Variants in NR3C2 observed in about 807,000 individuals in gnomAD.
NR3C2 encodes the protein mineralocorticoid receptor.
A neutral mutation model predicts 86.4 loss-of-function variants in NR3C2; 15 were observed. The observed-to-expected ratio is 0.17, with a 90% CI of 0.12 to 0.27. The LOEUF (loss-of-function observed/expected upper bound fraction) is 0.27, where lower values mean the gene tolerates loss of function less well. NR3C2 is among the 10% of genes least tolerant of loss of function. The probability of loss-of-function intolerance (pLI) is 1.00; values close to 1 mark genes in which losing one functional copy is unlikely to be tolerated. For synonymous variants in NR3C2, 458 were observed against 450.5 expected (o/e 1.02, Z -0.21); for missense variants, 960 against 1,195.6 (o/e 0.80, Z 2.91).
chr4:148,330,487 G>A (rs572774169), intron 2 of NR3C2, among the ~76,000 whole-genome samples: 2 of 151,944 alleles, frequency 1.3e-5, no homozygotes, highest in Admixed American at 1.3e-4. Context: ...CCTGTGACAA[G>A]CAGGGGCAAC....
intron 3 of NR3C2, among the ~76,000 whole-genome samples, chr4:148,217,046 CT>C (rs1473481123): frequency 2.6e-5 from 4 of 152,194 alleles, no homozygotes; most frequent in Admixed American, 2.6e-4. Flanking sequence ...GGCAAGACAG[CT>C]AGTAAAGACA....
intron 3 of NR3C2, among the ~76,000 whole-genome samples, chr4:148,209,364 C>T (rs1300594109): frequency 6.6e-6 from 1 of 152,176 alleles, no homozygotes; most frequent in African/African-American, 2.4e-5. Flanking sequence ...ACTGTAGCCT[C>T]AACCTTCTGG....
intron 2 of NR3C2, among the ~76,000 whole-genome samples, chr4:148,270,844 T>C (rs1033234022): frequency 4.6e-5 from 7 of 152,266 alleles, no homozygotes; most frequent in Admixed American, 6.5e-5. Context: ...AAAAACGGTT[T>C]CCTATGCTCA....
At chr4:148,209,477 A>T (rs1579015419) in intron 3 of NR3C2, among the ~76,000 whole-genome samples, 1 of 151,650 alleles carries the variant, frequency 6.6e-6, no homozygotes, top group South Asian at 2.1e-4. Flanking sequence ...GGTGGGTGGG[A>T]GGTAGAGACA....
At chr4:148,239,763 C>T (rs2149846013) in intron 3 of NR3C2, among the ~76,000 whole-genome samples, 1 of 152,146 alleles carries the variant, frequency 6.6e-6, no homozygotes, top group African/African-American at 2.4e-5. Flanking sequence ...GAAGAAAACA[C>T]CATGTGAAAA....
chr4:148,301,286 A>C (rs1742325420), intron 2 of NR3C2, among the ~76,000 whole-genome samples: 2 of 152,338 alleles, frequency 1.3e-5, no homozygotes, highest in Admixed American at 6.5e-5. Flanking sequence ...ATATTTCTTA[A>C]AGGGAAGATA....
At chr4:148,316,691 A>G (rs1259783432) in intron 2 of NR3C2, among the ~76,000 whole-genome samples, 3 of 152,132 alleles carry the variant, frequency 2.0e-5, no homozygotes, top group East Asian at 3.8e-4. Flanking sequence ...ATTTTATACT[A>G]TATATTTATA....
chr4:148,110,923 T>C (rs1274598693), intron 8 of NR3C2, among the ~76,000 whole-genome samples: 1 of 152,178 alleles, frequency 6.6e-6, no homozygotes, highest in African/African-American at 2.4e-5. Flanking sequence ...TCCATGACAC[T>C]GGCTTACACT....
intron 6 of NR3C2, among the ~76,000 whole-genome samples, chr4:148,140,541 AAAAG>A (rs61764572): frequency 0.052 from 7,844 of 152,304 alleles, 257 homozygotes; most frequent in Non-Finnish European, 0.076. Context: ...AAAAGTTAAA[AAAAG>A]AAAGAAATTT....
intron 2 of NR3C2, among the ~76,000 whole-genome samples, chr4:148,411,517 C>A (rs1307112338): frequency 1.3e-5 from 2 of 152,160 alleles, no homozygotes; most frequent in Non-Finnish European, 2.9e-5. Flanking sequence ...TTTATACTTC[C>A]ATTATATGCA....
upstream of NR3C2, among the ~76,000 whole-genome samples, chr4:148,443,222 CAAAAAAAAAAAAAAA>C (rs59506438): frequency 4.3e-3 from 175 of 41,020 alleles, 3 homozygotes; most frequent in East Asian, 0.023. Flanking sequence ...CCCCTAACAC[CAAAAAAAAAAAAAAA>C]AAAAAAAAAA....
At chr4:148,269,777 T>C (rs1198106722) in intron 2 of NR3C2, among the ~76,000 whole-genome samples, 1 of 152,234 alleles carries the variant, frequency 6.6e-6, no homozygotes, top group Admixed American at 6.5e-5. Flanking sequence ...AGGGAAGGAA[T>C]CATGAACTTA....
chr4:148,322,079 G>A (rs1302847783), intron 2 of NR3C2, among the ~76,000 whole-genome samples: 1 of 151,940 alleles, frequency 6.6e-6, no homozygotes, highest in East Asian at 1.9e-4. Flanking sequence ...GCCTGGTGGT[G>A]ACAAAATCTC....
At chr4:148,187,370 G>GT (rs1418040328) in intron 4 of NR3C2, among the ~76,000 whole-genome samples, 1 of 150,738 alleles carries the variant, frequency 6.6e-6, no homozygotes, top group African/African-American at 2.4e-5. Context: ...AACATCTACT[G>GT]TTTTTTTATT....
chr4:148,415,390 A>G (rs1362158587), intron 2 of NR3C2, among the ~76,000 whole-genome samples: 2 of 152,206 alleles, frequency 1.3e-5, no homozygotes, highest in African/African-American at 4.8e-5. Flanking sequence ...AAGTTGCTCT[A>G]TTCGCTTAGG....
intron 2 of NR3C2, among the ~76,000 whole-genome samples, chr4:148,325,110 CAGAGAGAG>C (rs75152966): frequency 6.7e-6 from 1 of 148,676 alleles, no homozygotes; most frequent in Non-Finnish European, 1.5e-5. Flanking sequence ...AGTGGAGAGA[CAGAGAGAG>C]AGAGAGGGAG....
chr4:148,172,929 G>T (rs1735200419), intron 4 of NR3C2, among the ~76,000 whole-genome samples: 1 of 152,192 alleles, frequency 6.6e-6, no homozygotes, highest in African/African-American at 2.4e-5. Flanking sequence ...ATATAACATT[G>T]CAAAACTGTC....
intron 3 of NR3C2, 63 bp downstream of exon 3, chr4:148,259,915 C>G: frequency 6.3e-7 from 1 of 1,588,318 alleles, no homozygotes; most frequent in Non-Finnish European, 8.6e-7. Context: ...ATAGCATTAG[C>G]TGTACAAGTA....
chr4:148,410,220 AT>A (rs1281463635), intron 2 of NR3C2, among the ~76,000 whole-genome samples: 2 of 152,350 alleles, frequency 1.3e-5, no homozygotes, highest in East Asian at 3.9e-4. Context: ...TTGTAATCAA[AT>A]GCTATCTAAA....
Sources: allele counts gnomAD v4.1 joint callset (sites outside exome capture counted in the v4.1 genomes callset), GRCh38; gene constraint gnomAD v4.1.1; transcripts MANE v1.5; gene names NCBI Gene and HGNC (gene_info 2026-07-23, HGNC 2026-07-21).